The following MID1 variants were observed in gnomAD, a reference collection of about 807,000 sequenced individuals.
MID1 encodes the protein midline 1.
Under a neutral mutation model 40.4 loss-of-function variants are expected in MID1, and 7 were observed. The ratio of observed to expected loss-of-function variants is 0.17; its 90% CI spans 0.10 to 0.33. The LOEUF is 0.33. Among genes scored for constraint, MID1 ranks in the 10% least tolerant of loss-of-function variants. The probability of loss-of-function intolerance (pLI) is 1.00; values close to 1 mark genes in which losing one functional copy is unlikely to be tolerated. For missense variants in MID1, 367 were observed against 558.5 expected, an observed-to-expected ratio of 0.66 and a Z score of 3.46; for synonymous variants, 229 against 221.2, an observed-to-expected ratio of 1.04 and a Z score of -0.31.
chrX:10,644,109 C>T (rs746559027), intron 1 of MID1, among the ~76,000 whole-genome samples: 2 of 111,220 alleles, frequency 1.8e-5, no homozygotes, highest in South Asian at 7.6e-4. Flanking sequence ...ACATATGTAA[C>T]AAACCTGCAC....
intron 1 of MID1, among the ~76,000 whole-genome samples, chrX:10,768,953 G>A (rs926143276): frequency 3.6e-5 from 4 of 111,603 alleles, no homozygotes; most frequent in Non-Finnish European, 5.6e-5. Context: ...TCTGAGAACT[G>A]TCCAACAGTG....
At chrX:10,544,430 G>C (rs1280603750) in intron 2 of MID1, among the ~76,000 whole-genome samples, 1 of 112,006 alleles carries the variant, frequency 8.9e-6, no homozygotes, top group East Asian at 2.8e-4. Flanking sequence ...AATGTGGAAG[G>C]CCTCTTTTGA....
chrX:10,446,389 A>G lies in MID1; in HGVS notation c.*2979T>C, dbSNP rs1239955035. 1 of 111,819 alleles carries G rather than the reference A, an allele frequency of 8.9e-6. No individual in the cohort carries two copies. The highest frequency in any genetic ancestry group is 3.3e-5 in the African/African-American group (1 of 30,713). The allele number at this position is 111,819 out of a possible 1,213,427, so 9.2% of individuals were successfully genotyped here. A position where few individuals can be genotyped will look rare whatever the true frequency, so the allele number is the denominator to read the frequency against. ...TCCTCAGCAAGTTTAAGGTCAATAT[A>G]TCAGTACCGTAATAAAAAAGCCTGT... On this transcript the variant is annotated 3_prime_UTR_variant, in exon 10 of 10. Coordinates refer to ENST00000317552, the MANE Select transcript of MID1 (RefSeq NM_000381.4).
intron 2 of MID1, among the ~76,000 whole-genome samples, chrX:10,564,162 G>C (rs747743276): frequency 5.4e-5 from 6 of 111,874 alleles, no homozygotes; most frequent in Non-Finnish European, 9.4e-5. Flanking sequence ...ATCTATATGA[G>C]ATCCTAGAGC....
intron 1 of MID1, among the ~76,000 whole-genome samples, chrX:10,796,272 T>C (rs930072586): frequency 2.1e-4 from 24 of 112,125 alleles, no homozygotes; most frequent in African/African-American, 7.8e-4. Context: ...TTGTATGGCA[T>C]AGTCACAGTA....
At chrX:10,534,377 T>C (rs954224851) in intron 2 of MID1, among the ~76,000 whole-genome samples, 1 of 112,268 alleles carries the variant, frequency 8.9e-6, no homozygotes, top group African/African-American at 3.2e-5. Context: ...TTTCAGATAC[T>C]GTAGGAAAAC....
chrX:10,593,762 GACACACACACACACACAC>G (rs57390547), intron 1 of MID1, among the ~76,000 whole-genome samples: 4 of 83,334 alleles, frequency 4.8e-5, no homozygotes, highest in African/African-American at 8.8e-5. Flanking sequence ...CTGTCCCTCT[GACACACACACACACACAC>G]ACACACACAC....
At chrX:10,708,486 A>C (rs1037392590) in intron 1 of MID1, among the ~76,000 whole-genome samples, 4 of 110,930 alleles carry the variant, frequency 3.6e-5, no homozygotes, top group African/African-American at 1.3e-4. Flanking sequence ...CAAAAAGAAA[A>C]GGGGAAATGA....
At chrX:10,625,728 GC>G (rs1371116737) in intron 1 of MID1, among the ~76,000 whole-genome samples, 1 of 111,876 alleles carries the variant, frequency 8.9e-6, no homozygotes, top group African/African-American at 3.3e-5. Context: ...AGAATATAAT[GC>G]AATTGTTTTC....
intron 1 of MID1, among the ~76,000 whole-genome samples, chrX:10,808,523 T>G (rs773345607): frequency 1.8e-5 from 2 of 110,400 alleles, no homozygotes; most frequent in East Asian, 5.7e-4. Flanking sequence ...CTCTCTATGG[T>G]GCTCCTCTCT....
chrX:10,676,859 C>A (rs1029939928), intron 1 of MID1, among the ~76,000 whole-genome samples: 28 of 111,304 alleles, frequency 2.5e-4, no homozygotes, highest in African/African-American at 6.2e-4. Flanking sequence ...TGGCGAGGCA[C>A]GGAGGTGTGC....
At chrX:10,560,010 T>A (rs1427235205) in intron 2 of MID1, among the ~76,000 whole-genome samples, 1 of 108,797 alleles carries the variant, frequency 9.2e-6, no homozygotes, top group Non-Finnish European at 1.9e-5. Context: ...GCCTCCAGAG[T>A]AACTGGAACC....
intron 1 of MID1, among the ~76,000 whole-genome samples, chrX:10,794,128 C>T (rs1163789230): frequency 8.9e-6 from 1 of 112,091 alleles, no homozygotes; most frequent in Non-Finnish European, 1.9e-5. Flanking sequence ...TGAAACTTGG[C>T]AAAGGTCCTG....
At chrX:10,784,452 T>C (rs2043867297) in intron 1 of MID1, among the ~76,000 whole-genome samples, 1 of 101,522 alleles carries the variant, frequency 9.9e-6, no homozygotes. Context: ...TCTTTTTTTT[T>C]TTTTTTTTTT....
intron 1 of MID1, among the ~76,000 whole-genome samples, chrX:10,638,104 A>C (rs1366639604): frequency 8.9e-6 from 1 of 111,983 alleles, no homozygotes; most frequent in African/African-American, 3.2e-5. Flanking sequence ...GCTGAATAGG[A>C]ACAGCTCCAG....
chrX:10,696,993 T>C (rs1204874544), intron 1 of MID1, among the ~76,000 whole-genome samples: 2 of 112,279 alleles, frequency 1.8e-5, no homozygotes, highest in African/African-American at 6.5e-5. Flanking sequence ...CCAATCTCAG[T>C]AAGAAATCTT....
intron 3 of MID1, among the ~76,000 whole-genome samples, chrX:10,512,320 C>A (rs1932198705): frequency 8.9e-6 from 1 of 112,044 alleles, no homozygotes; most frequent in African/African-American, 3.2e-5. Context: ...AATGAGAATT[C>A]CCCTGGGAAT....
intron 1 of MID1, among the ~76,000 whole-genome samples, chrX:10,711,353 A>G (rs1359759987): frequency 8.9e-6 from 1 of 112,207 alleles, no homozygotes; most frequent in African/African-American, 3.2e-5. Flanking sequence ...ACAAGTTTCA[A>G]ATTATTAATG....
chrX:10,608,892 T>C (rs1174631681), intron 1 of MID1, among the ~76,000 whole-genome samples: 1 of 112,008 alleles, frequency 8.9e-6, no homozygotes, highest in African/African-American at 3.2e-5. Context: ...ATAAGTGTAA[T>C]TTTATTTCTA....
Sources: gnomAD v4.1 joint callset for allele counts (sites outside exome capture counted in the v4.1 genomes callset) on GRCh38, gnomAD v4.1.1 for gene constraint, MANE v1.5 for transcripts, NCBI Gene and HGNC (gene_info 2026-07-23, HGNC 2026-07-21) for gene names.